Variants in SYN3 observed in about 807,000 individuals in gnomAD.
The protein encoded by SYN3 is synapsin-3.
Under a neutral mutation model 65.8 loss-of-function variants are expected in SYN3, and 35 were observed. That is an observed-to-expected ratio of 0.53 (90% confidence interval 0.41 to 0.70). The LOEUF is 0.70. Among genes scored for constraint, SYN3 ranks in the 30% least tolerant of loss-of-function variants. The probability of loss-of-function intolerance (pLI) is 0.00; values close to 1 mark genes in which losing one functional copy is unlikely to be tolerated. For synonymous variants in SYN3, 270 were observed against 292.9 expected (o/e 0.92, Z 0.80); for missense variants, 680 against 749.0 (o/e 0.91, Z 1.08).
intron 6 of SYN3, among the ~76,000 whole-genome samples, chr22:32,603,798 G>A (rs912308095): frequency 2.0e-5 from 3 of 152,190 alleles, no homozygotes; most frequent in Non-Finnish European, 1.5e-5. Context: ...GGGATGCCGA[G>A]GTCTGCATCA....
chr22:32,535,136 C>G (rs1387121464), intron 9 of SYN3, among the ~76,000 whole-genome samples: 1 of 152,206 alleles, frequency 6.6e-6, no homozygotes, highest in Non-Finnish European at 1.5e-5. Flanking sequence ...GATTAAGTGA[C>G]TGTACCGCTT....
At position 32,715,213 on chromosome 22, in the gene SYN3, T is replaced by G. The variant is rs549196338; in HGVS notation, c.712-118477A>C. On this transcript the variant is annotated intron_variant, in intron 6 of 13. Coordinates refer to ENST00000358763, the MANE Select transcript of SYN3 (RefSeq NM_003490.4). The stretch of plus-strand genomic sequence containing the variant: ...TACTATCACCCTGGCCAAGTCCAAA[T>G]TACCAAATTTGTGTCACTGAACTAT... Among the ~76,000 whole-genome samples, 6 of 152,330 alleles carry G rather than the reference T, an allele frequency of 3.9e-5. No homozygotes were observed. In the South Asian group the frequency reaches 1.2e-3, roughly 32 times the overall value.
At chr22:33,056,502 G>A (rs9621626) in intron 1 of SYN3, among the ~76,000 whole-genome samples, 41,597 of 152,008 alleles carry the variant, frequency 0.27, 6,348 homozygotes, top group South Asian at 0.37. Flanking sequence ...TCCCTCCCTA[G>A]GACCAGCCTG....
chr22:32,792,039 G>T (rs977944143), intron 6 of SYN3, among the ~76,000 whole-genome samples: 1 of 152,038 alleles, frequency 6.6e-6, no homozygotes, highest in Non-Finnish European at 1.5e-5. Context: ...ATACCCCTGG[G>T]GCCACACCCT....
chr22:32,951,775 A>T (rs890475575), intron 3 of SYN3, among the ~76,000 whole-genome samples: 1 of 152,124 alleles, frequency 6.6e-6, no homozygotes, highest in African/African-American at 2.4e-5. Flanking sequence ...CTCCCGTTGG[A>T]GTGTGCAGAG....
intron 4 of SYN3, among the ~76,000 whole-genome samples, chr22:32,925,866 C>CCTT (rs1556016528): frequency 7.5e-6 from 1 of 132,730 alleles, no homozygotes; most frequent in Admixed American, 8.1e-5. Flanking sequence ...GATAGTTGTT[C>CCTT]TTTTTTTTTT....
chr22:32,945,804 C>T (rs1319466156), intron 3 of SYN3, among the ~76,000 whole-genome samples: 2 of 152,162 alleles, frequency 1.3e-5, no homozygotes, highest in African/African-American at 4.8e-5. Context: ...TGACAAAGGG[C>T]TAATATCCAG....
intron 6 of SYN3, among the ~76,000 whole-genome samples, chr22:32,647,587 C>G (rs1257793581): frequency 1.3e-5 from 2 of 151,918 alleles, no homozygotes; most frequent in Non-Finnish European, 2.9e-5. Context: ...GCTAGGACTA[C>G]AGATGTGTGC....
chr22:32,586,692 C>T (rs566836913), intron 7 of SYN3, among the ~76,000 whole-genome samples: 30 of 152,134 alleles, frequency 2.0e-4, no homozygotes, highest in African/African-American at 7.2e-4. Context: ...TGAGCAGGTC[C>T]GTGAATGGCC....
At chr22:32,555,427 A>G (rs1601624293) in intron 7 of SYN3, among the ~76,000 whole-genome samples, 2 of 152,350 alleles carry the variant, frequency 1.3e-5, no homozygotes, top group South Asian at 2.1e-4. Context: ...AAAACATTTA[A>G]GGCAACCATG....
intron 6 of SYN3, among the ~76,000 whole-genome samples, chr22:32,682,420 G>A (rs2060536428): frequency 6.6e-6 from 1 of 152,080 alleles, no homozygotes; most frequent in African/African-American, 2.4e-5. Context: ...TAGACTATAA[G>A]GATAAGGGCA....
At chr22:32,943,091 G>A (rs1184683468) in intron 3 of SYN3, among the ~76,000 whole-genome samples, 40 of 152,118 alleles carry the variant, frequency 2.6e-4, no homozygotes, top group Non-Finnish European at 5.7e-4. Flanking sequence ...AGGAAATACA[G>A]AGAACACCAC....
At chr22:32,842,517 G>A (rs984250377) in intron 6 of SYN3, among the ~76,000 whole-genome samples, 8 of 152,126 alleles carry the variant, frequency 5.3e-5, no homozygotes, top group Non-Finnish European at 1.0e-4. Flanking sequence ...AGAATCTTTC[G>A]GGTTCCTCTT....
In SYN3 at chr22:32,533,795, C is replaced by T. The variant is rs749766042; in HGVS notation, c.1093G>A (p.Glu365Lys). The T allele has an allele frequency of 1.1e-5, 18 of 1,611,034 alleles. No individual in the cohort carries two copies. The African/African-American group carries it at 1.3e-4, about 12-fold the overall frequency. Residue 365 changes from glutamate (E) to lysine (K), a missense_variant and splice_region_variant, in exon 10 of 14, where the codon GAG becomes AAG. Physicochemically the swap from Glu to Lys is moderately conservative, Grantham distance 56. Coordinates refer to ENST00000358763, the MANE Select transcript of SYN3 (RefSeq NM_003490.4). ...HSKDGRDYII[E>K]VMDSSMPLIG... ...GGACTCCCTGCTTCATCCCTCACCT[C>T]GATGATGTAATCTCTGCCATCCTTG...
At chr22:32,636,537 A>G (rs540576235) in intron 6 of SYN3, among the ~76,000 whole-genome samples, 1 of 152,330 alleles carries the variant, frequency 6.6e-6, no homozygotes, top group Admixed American at 6.5e-5. Flanking sequence ...CCATTGCTAG[A>G]TGGACTTGAC....
At chr22:32,541,838 G>T in intron 7 of SYN3, 125 bp from the exon 8 acceptor site, 1 of 1,139,304 alleles carries the variant, frequency 8.8e-7, no homozygotes, top group Admixed American at 2.5e-5. Context: ...GCTGGCAGGG[G>T]AGACAGACAC....
intron 2 of SYN3, among the ~76,000 whole-genome samples, chr22:32,990,700 T>C (rs1251477326): frequency 6.6e-6 from 1 of 152,214 alleles, no homozygotes; most frequent in Non-Finnish European, 1.5e-5. Flanking sequence ...TGCCAACTAG[T>C]AGACCTCATA....
At chr22:33,028,720 G>A (rs2053692447) in intron 1 of SYN3, among the ~76,000 whole-genome samples, 2 of 151,258 alleles carry the variant, frequency 1.3e-5, no homozygotes, top group Middle Eastern at 3.4e-3. Context: ...TGGTGGGGTT[G>A]CTACCATTAA....
intron 6 of SYN3, among the ~76,000 whole-genome samples, chr22:32,807,347 A>ATGT (rs1491577264): frequency 2.9e-5 from 1 of 34,090 alleles, no homozygotes; most frequent in African/African-American, 7.2e-5. Flanking sequence ...TATAATATAT[A>ATGT]AATATATAAT....
Sources: allele counts gnomAD v4.1 joint callset (sites outside exome capture counted in the v4.1 genomes callset), GRCh38; gene constraint gnomAD v4.1.1; transcripts MANE v1.5; gene names NCBI Gene and HGNC (gene_info 2026-07-23, HGNC 2026-07-21).